TMEM255A: variants seen among roughly 807,000 people sequenced by gnomAD.
The protein encoded by TMEM255A is transmembrane protein 255A.
In TMEM255A, 14 loss-of-function variants were observed where a neutral mutation model predicts 23.5. The ratio of observed to expected loss-of-function variants is 0.60; its 90% CI spans 0.39 to 0.93. The LOEUF (loss-of-function observed/expected upper bound fraction) is 0.93, where lower values mean the gene tolerates loss of function less well. Ranked by LOEUF, TMEM255A falls within the 40% of genes least tolerant of loss-of-function variation. The pLI is 0.00. For synonymous variants in TMEM255A, 104 were observed against 100.3 expected (o/e 1.04, Z -0.22); for missense variants, 233 against 261.7 (o/e 0.89, Z 0.76).
intron 6 of TMEM255A, among the ~76,000 whole-genome samples, chrX:120,279,860 A>C (rs1556020463): frequency 8.9e-6 from 1 of 112,022 alleles, no homozygotes; most frequent in Non-Finnish European, 1.9e-5. Context: ...TCTAAGAGCC[A>C]GCCTCTGGCA....
intron 1 of TMEM255A, among the ~76,000 whole-genome samples, chrX:120,309,083 G>A (rs1334233915): frequency 8.9e-6 from 1 of 112,605 alleles, no homozygotes; most frequent in African/African-American, 3.2e-5. Context: ...TAGCTCCTAA[G>A]TAGCCTAGAC....
In TMEM255A at chrX:120,260,873, G is replaced by A; in HGVS notation, c.975C>T (p.Pro325=). 8.3e-7 allele frequency: 1 copy of A among 1,203,766 alleles called. No homozygotes were observed. Among genetic ancestry groups the A allele is most frequent in the Non-Finnish European group, 1.1e-6 (1 of 892,801 alleles). The change falls in exon 9 of 9, where the codon CCC becomes CCT. Residue 325 remains proline (P), a synonymous_variant. Transcript: ENST00000371369. ...AATAGCCAGCAGGCATTCCTCTTTA[G>A]GGACTGTAAGGTGGTGGCTTTTCAA... ...PPFEKPPPYS[P]
At chrX:120,285,702 G>A (rs782217442) in intron 5 of TMEM255A, 9 of 1,208,651 alleles carry the variant, frequency 7.4e-6, no homozygotes, top group African/African-American at 1.8e-5. Flanking sequence ...ATGACCTTAT[G>A]TAGGAAAAAT....
intron 1 of TMEM255A, 67 bp from the exon 2 acceptor site, chrX:120,304,558 AAC>A: frequency 9.0e-7 from 1 of 1,116,418 alleles, no homozygotes. Context: ...TAAAGAAAAA[AAC>A]ACTAAGAAGG....
intron 7 of TMEM255A, among the ~76,000 whole-genome samples, chrX:120,272,083 G>C (rs554827843): frequency 1.8e-5 from 2 of 112,390 alleles, no homozygotes; most frequent in South Asian, 7.5e-4. Context: ...TATAGCAGGG[G>C]AGTGGAGGGT....
chrX:120,276,682 TTG>T (rs2057800821), intron 7 of TMEM255A, among the ~76,000 whole-genome samples: 1 of 111,454 alleles, frequency 9.0e-6, no homozygotes, highest in African/African-American at 3.3e-5. Flanking sequence ...CACAGGTAAT[TTG>T]TGTATAACAA....
rs1176735454 is a variant in TMEM255A at position 120,296,731 on chromosome X, A to ATATAT, written c.202-2685_202-2681dup. Among the ~76,000 whole-genome samples the ATATAT allele has an allele frequency of 5.7e-3, 202 of 35,542 alleles. 38 individuals carry two copies. The highest frequency in any genetic ancestry group is 0.032 in the African/African-American group (190 of 5,942). The allele number at this position is 35,542 out of a possible 115,157, so 30.9% of individuals were successfully genotyped here. ...GGTAAATAAATTTAATATATATTAA[A>ATATAT]TATATTATATTATATTATATTATAT... On this transcript the variant is annotated intron_variant, in intron 2 of 8. Transcript: ENST00000371369.
chrX:120,253,447 A>G, the TMEM255A span: 1 of 1,211,055 alleles, frequency 8.3e-7, no homozygotes, highest in East Asian at 3.0e-5. Flanking sequence ...TCTGCTACAG[A>G]CATTCAGTAC....
At chrX:120,285,618 A>G (rs1556021635) in intron 5 of TMEM255A, 1 of 1,211,330 alleles carries the variant, frequency 8.3e-7, no homozygotes, top group Admixed American at 2.2e-5. Flanking sequence ...CTGAAGTACA[A>G]TAGTACCTCT....
chrX:120,254,380 C>T, downstream of TMEM255A: 1 of 1,211,379 alleles, frequency 8.3e-7, no homozygotes, highest in Non-Finnish European at 1.1e-6. Context: ...GCTATTTTAA[C>T]AGGAAACAAG....
Position 120,311,421 on chromosome X carries a change from G to GGA in TMEM255A, c.-113_-112insTC. ...GTTGCCTCTCTCGGTCCTTCCGAGA[G>GGA]CTGAGAGACACTGCCTCTGGTTGCG... On this transcript the variant is annotated 5_prime_UTR_variant, in exon 1 of 9. Transcript: ENST00000371369. 2 of 613,928 alleles carry GGA rather than the reference G, an allele frequency of 3.3e-6. No homozygotes were observed. Among genetic ancestry groups the GGA allele is most frequent in the Non-Finnish European group, 5.4e-6 (2 of 373,558 alleles). 50.6% of individuals were successfully genotyped at this position (613,928 alleles called of 1,213,427 possible). A position where few individuals can be genotyped will look rare whatever the true frequency, so the allele number is the denominator to read the frequency against.
At position 120,260,650 on chromosome X, in the gene TMEM255A, C is replaced by A; in HGVS notation, c.*220G>T. 2 of 396,906 alleles carry A rather than the reference C, an allele frequency of 5.0e-6. No homozygotes were observed. Among genetic ancestry groups the A allele is most frequent in the Non-Finnish European group, 8.2e-6 (2 of 244,826 alleles). 32.7% of individuals were successfully genotyped at this position (396,906 alleles called of 1,213,427 possible). ...TTGCTGGGCTGGCTCCCCAGTCTTG[C>A]TTAGAGAATGTGAGCTGCCCTTCTG... On this transcript the variant is annotated 3_prime_UTR_variant, in exon 9 of 9. Transcript: ENST00000371369.
At chrX:120,285,414 A>G (rs1426355375) in intron 5 of TMEM255A, among the ~76,000 whole-genome samples, 199 bp from the exon 6 acceptor site, 1 of 111,635 alleles carries the variant, frequency 9.0e-6, no homozygotes, top group East Asian at 2.8e-4. Flanking sequence ...AGCTGGGCTC[A>G]TGTCCAGCCT....
At chrX:120,261,658 A>G (rs1405589134) in intron 8 of TMEM255A, among the ~76,000 whole-genome samples, 1 of 112,271 alleles carries the variant, frequency 8.9e-6, no homozygotes, top group East Asian at 2.8e-4. Context: ...AAAGAGTAAC[A>G]AAGGCATGGA....
intron 8 of TMEM255A, among the ~76,000 whole-genome samples, chrX:120,265,092 G>C (rs2057707324): frequency 2.7e-5 from 3 of 110,757 alleles, no homozygotes; most frequent in African/African-American, 9.9e-5. Context: ...GGTCAGGCTG[G>C]TCTCGAACTC....
chrX:120,308,418 G>C (rs1230974473), intron 1 of TMEM255A, among the ~76,000 whole-genome samples: 1 of 112,050 alleles, frequency 8.9e-6, no homozygotes, highest in East Asian at 2.8e-4. Flanking sequence ...TCCTGTACAC[G>C]GTGTTGTTGA....
At chrX:120,297,114 T>TTA (rs1475097508) in intron 2 of TMEM255A, among the ~76,000 whole-genome samples, 1 of 31,090 alleles carries the variant, frequency 3.2e-5, no homozygotes, top group Non-Finnish European at 4.6e-5. Flanking sequence ...ATATATTATA[T>TTA]TATATTATAA....
At chrX:120,262,368 C>T (rs1302130580) in intron 8 of TMEM255A, among the ~76,000 whole-genome samples, 2 of 111,262 alleles carry the variant, frequency 1.8e-5, no homozygotes, top group Non-Finnish European at 3.8e-5. Context: ...TCTTCCTTAC[C>T]ACATAATGTT....
At position 120,277,172 on chromosome X, in the gene TMEM255A, G is replaced by C. The variant is rs2057805031; in HGVS notation, c.513-125C>G. ...GAAAAGACAGGTGGGCAGGTGGGGA[G>C]CTACAGTAAGAGACATCATAGCCAT... On this transcript the variant is annotated intron_variant, in intron 6 of 8. Transcript: ENST00000371369. 7.8e-6 allele frequency: 4 copies of C among 516,079 alleles called. No individual in the cohort carries two copies. The East Asian group carries it at 1.4e-4, about 18-fold the overall frequency. 42.5% of individuals were successfully genotyped at this position (516,079 alleles called of 1,213,427 possible).
Sources: gnomAD v4.1 joint callset for allele counts (sites outside exome capture counted in the v4.1 genomes callset) on GRCh38, gnomAD v4.1.1 for gene constraint, MANE v1.5 for transcripts, NCBI Gene and HGNC (gene_info 2026-07-23, HGNC 2026-07-21) for gene names.